Variants in MED12L observed in about 807,000 individuals in gnomAD.
MED12L encodes mediator complex subunit 12L.
MED12L carries 60 observed loss-of-function variants against 281.3 expected under a neutral mutation model. The observed-to-expected ratio is 0.21, with a 90% CI of 0.17 to 0.26. MED12L has a LOEUF of 0.26. Ranked by LOEUF, MED12L falls within the 10% of genes least tolerant of loss-of-function variation. MED12L has a pLI of 1.00. For synonymous variants in MED12L, 974 were observed against 987.2 expected (o/e 0.99, Z 0.25); for missense variants, 2,146 against 2,680.9 (o/e 0.80, Z 4.41).
At chr3:151,342,037 T>TA (rs1337046149) in intron 16 of MED12L, among the ~76,000 whole-genome samples, 1 of 152,210 alleles carries the variant, frequency 6.6e-6, no homozygotes, top group African/African-American at 2.4e-5. Flanking sequence ...GCAATAAACA[T>TA]ACGTGTGCAT....
intron 16 of MED12L, among the ~76,000 whole-genome samples, chr3:151,194,822 A>G (rs867501302): frequency 6.6e-5 from 10 of 152,286 alleles, no homozygotes; most frequent in Admixed American, 2.0e-4. Flanking sequence ...TATTTTAAGT[A>G]CAATTTCAGG....
intron 16 of MED12L, among the ~76,000 whole-genome samples, chr3:151,311,888 G>C (rs1209373322): frequency 6.6e-6 from 1 of 152,124 alleles, no homozygotes; most frequent in East Asian, 1.9e-4. Context: ...AGCCGGGTGT[G>C]GTGGCAGGCA....
intron 43 of MED12L, chr3:151,425,754 C>T (rs1327829340): frequency 6.6e-6 from 3 of 456,594 alleles, no homozygotes; most frequent in Non-Finnish European, 8.8e-6. Context: ...GAGAGAGAAG[C>T]AATTATCATG....
intron 31 of MED12L, among the ~76,000 whole-genome samples, chr3:151,379,516 A>G (rs557605951): frequency 3.3e-5 from 5 of 152,310 alleles, no homozygotes; most frequent in Admixed American, 6.5e-5. Flanking sequence ...GCTGCGGGCT[A>G]TGTTGGAGCC....
intron 2 of MED12L, among the ~76,000 whole-genome samples, chr3:151,101,377 GA>G (rs1721371449): frequency 6.6e-6 from 1 of 152,130 alleles, no homozygotes; most frequent in Non-Finnish European, 1.5e-5. Flanking sequence ...CTCTTGCTTA[GA>G]AATGAAGAAA....
At chr3:151,194,630 T>A (rs1309112849) in intron 16 of MED12L, among the ~76,000 whole-genome samples, 5 of 152,186 alleles carry the variant, frequency 3.3e-5, no homozygotes, top group African/African-American at 1.2e-4. Context: ...TGGTTGAATT[T>A]AAGAATTGTA....
At chr3:151,333,799 G>A (rs1750621317) in intron 16 of MED12L, among the ~76,000 whole-genome samples, 1 of 152,080 alleles carries the variant, frequency 6.6e-6, no homozygotes, top group Non-Finnish European at 1.5e-5. Context: ...GGGATTCTTG[G>A]CCAGGCATGG....
At chr3:151,213,515 G>C (rs780275102) in intron 16 of MED12L, 1 of 1,614,080 alleles carries the variant, frequency 6.2e-7, no homozygotes, top group Non-Finnish European at 8.5e-7. Context: ...TCTTTTGACT[G>C]GCAGCTGTAA....
chr3:151,129,264 C>CT (rs35558263), intron 5 of MED12L, among the ~76,000 whole-genome samples: 4 of 152,108 alleles, frequency 2.6e-5, no homozygotes, highest in Non-Finnish European at 4.4e-5. Flanking sequence ...AGCATGAACA[C>CT]TTAAAATTAA....
At chr3:151,379,815 G>T (rs1711917728) in intron 31 of MED12L, among the ~76,000 whole-genome samples, 1 of 152,132 alleles carries the variant, frequency 6.6e-6, no homozygotes, top group African/African-American at 2.4e-5. Flanking sequence ...TCTGCATATT[G>T]ATGTAGAAGA....
intron 16 of MED12L, among the ~76,000 whole-genome samples, chr3:151,302,612 ACT>A (rs1392370205): frequency 6.6e-6 from 1 of 151,840 alleles, no homozygotes; most frequent in African/African-American, 2.4e-5. Context: ...TCTTATTGGA[ACT>A]CTCTGGTTTA....
intron 16 of MED12L, among the ~76,000 whole-genome samples, chr3:151,346,687 G>T (rs917274926): frequency 3.3e-5 from 5 of 152,020 alleles, no homozygotes; most frequent in Non-Finnish European, 7.4e-5. Context: ...ACCATTTGCT[G>T]GCTTATTTCT....
intron 31 of MED12L, among the ~76,000 whole-genome samples, chr3:151,379,285 C>T (rs1346942521): frequency 6.6e-6 from 1 of 152,180 alleles, no homozygotes; most frequent in Non-Finnish European, 1.5e-5. Flanking sequence ...CTTGAAAGAT[C>T]GCTCTTCCCA....
chr3:151,376,489 TAAAG>T (rs1221177207), intron 28 of MED12L, among the ~76,000 whole-genome samples: 23 of 152,186 alleles, frequency 1.5e-4, no homozygotes, highest in Admixed American at 1.5e-3. Flanking sequence ...AATATATTAT[TAAAG>T]AAATATTGAA....
intron 16 of MED12L, among the ~76,000 whole-genome samples, chr3:151,215,566 G>A (rs930829845): frequency 6.6e-6 from 1 of 152,134 alleles, no homozygotes; most frequent in African/African-American, 2.4e-5. Context: ...GTGTTATCCA[G>A]AACTTCTATT....
At chr3:151,294,450 G>T (rs199868921) in intron 16 of MED12L, 8 of 1,614,212 alleles carry the variant, frequency 5.0e-6, no homozygotes, top group Non-Finnish European at 6.8e-6. Flanking sequence ...TGATATGGTA[G>T]AAAGCAGGTA....
In MED12L at chr3:151,293,676, CA is replaced by C. The variant is rs1253985950; in HGVS notation, c.2251-56382del. ...ACACACACACACACACACACACACA[CA>C]CCCTCTACCTTCATTTCTATAGTGT... On this transcript the variant is annotated intron_variant, in intron 16 of 44. Transcript: ENST00000687756. Among the ~76,000 whole-genome samples the C allele has an allele frequency of 3.6e-3, 484 of 132,730 alleles. 9 individuals are homozygous for C. Among genetic ancestry groups the C allele is most frequent in the African/African-American group, 0.015 (457 of 30,000 alleles). The allele number at this position is 132,730 out of a possible 152,430, so 87.1% of individuals were successfully genotyped here. A position where few individuals can be genotyped will look rare whatever the true frequency, so the allele number is the denominator to read the frequency against.
intron 7 of MED12L, 85 bp from the exon 8 acceptor site, chr3:151,159,747 A>G (rs1294281043): frequency 3.8e-6 from 5 of 1,317,652 alleles, no homozygotes; most frequent in Non-Finnish European, 5.2e-6. Context: ...TATCTTTTTT[A>G]AATGAAAAAA....
At chr3:151,180,307 G>A (rs1722562447) in intron 11 of MED12L, among the ~76,000 whole-genome samples, 1 of 152,170 alleles carries the variant, frequency 6.6e-6, no homozygotes, top group South Asian at 2.1e-4. Flanking sequence ...TCAGTAAGTT[G>A]GGACAGATGT....
Sources: gnomAD v4.1 joint callset for allele counts (sites outside exome capture counted in the v4.1 genomes callset) on GRCh38, gnomAD v4.1.1 for gene constraint, MANE v1.5 for transcripts, NCBI Gene and HGNC (gene_info 2026-07-23, HGNC 2026-07-21) for gene names.